The following COPG2 variants were observed in gnomAD, a reference collection of about 807,000 sequenced individuals.
The protein encoded by COPG2 is coatomer subunit gamma-2.
A neutral mutation model predicts 46.3 loss-of-function variants in COPG2; 37 were observed. The ratio of observed to expected loss-of-function variants is 0.80; its 90% CI spans 0.61 to 1.05. The LOEUF is 1.05. COPG2 is among the 50% of genes least tolerant of loss of function. The pLI is 0.00. For missense variants in COPG2, 427 were observed against 387.8 expected (o/e 1.10, Z -0.85); for synonymous variants, 159 against 129.7 (o/e 1.23, Z -1.53).
intron 17 of COPG2, among the ~76,000 whole-genome samples, chr7:130,549,970 T>C (rs1483834521): frequency 6.6e-6 from 1 of 152,206 alleles, no homozygotes; most frequent in African/African-American, 2.4e-5. Context: ...AGATGCACAG[T>C]GGCAACTGAC....
At position 130,554,653 on chromosome 7, in the gene COPG2, T is replaced by A. The variant is rs1202087376; in HGVS notation, c.1296A>T (p.Lys432Asn). 3.5e-5 allele frequency: 14 copies of A among 398,494 alleles called. No homozygotes were observed. The highest frequency in any genetic ancestry group is 6.2e-5 in the Non-Finnish European group (14 of 226,080). 24.7% of individuals were successfully genotyped at this position (398,494 alleles called of 1,614,324 possible). Residue 432 changes from lysine to asparagine, a missense_variant, in exon 14 of 24, where the codon AAA (lysine) becomes AAT (asparagine). By Grantham distance (94) the Lys-to-Asn change is moderately conservative. Transcript: ENST00000425248. ...ISIVEENPESKEAGLAHLCEF... is the reference protein window; with the variant it reads ...ISIVEENPESNEAGLAHLCEF... ...CACAAAGGTGGGCTAGGCCTGCTTC[T>A]TTACTCTCAGGGTTCTCTTCCACAA...
chr7:130,625,797 A>G (rs566965177), intron 5 of COPG2, among the ~76,000 whole-genome samples: 15 of 151,986 alleles, frequency 9.9e-5, no homozygotes, highest in African/African-American at 3.6e-4. Context: ...GTTTTTATCT[A>G]TACTAATTCC....
chr7:130,528,646 G>A (rs947849854), intron 20 of COPG2, among the ~76,000 whole-genome samples: 5 of 151,150 alleles, frequency 3.3e-5, no homozygotes, highest in Non-Finnish European at 7.4e-5. Context: ...ACCAACCTGC[G>A]CCCCAGGGGC....
At chr7:130,512,051 C>CT (rs1178499003) in intron 20 of COPG2, among the ~76,000 whole-genome samples, 2 of 67,054 alleles carry the variant, frequency 3.0e-5, no homozygotes, top group African/African-American at 1.1e-4. Context: ...ACTGTGTCTT[C>CT]TAAAAAAAAA....
chr7:130,550,742 G>A (rs1278762685), intron 16 of COPG2, 93 bp from the exon 17 acceptor site: 1 of 380,808 alleles, frequency 2.6e-6, no homozygotes, highest in Non-Finnish European at 4.6e-6. Flanking sequence ...TAAGCTTTCT[G>A]AAGGAAGAGA....
intron 14 of COPG2, among the ~76,000 whole-genome samples, chr7:130,554,198 A>T (rs1446136537): frequency 6.6e-6 from 1 of 152,138 alleles, no homozygotes; most frequent in Non-Finnish European, 1.5e-5. Flanking sequence ...ATATATAGAA[A>T]CACATAAACA....
At chr7:130,616,969 T>TCAG in intron 6 of COPG2, 21 bp downstream of exon 6, 1 of 1,535,120 alleles carries the variant, frequency 6.5e-7, no homozygotes, top group Non-Finnish European at 9.0e-7. Context: ...ATTTGGTAAC[T>TCAG]CAGTGAAACA....
chr7:130,506,844 C>G (rs1799501893), intron 23 of COPG2, 38 bp from the exon 24 acceptor site: 3 of 753,346 alleles, frequency 4.0e-6, no homozygotes, highest in African/African-American at 1.7e-5. Flanking sequence ...ATTAAGAACC[C>G]AAAACAAGCA....
chr7:130,539,368 T>G, intron 20 of COPG2, among the ~76,000 whole-genome samples: 2 of 148,422 alleles, frequency 1.3e-5, no homozygotes, highest in African/African-American at 2.5e-5. Flanking sequence ...AAGGCTGGAG[T>G]GGAAGAGGGG....
intron 18 of COPG2, 119 bp from the exon 19 acceptor site, chr7:130,548,661 G>C (rs1157594426): frequency 2.6e-6 from 1 of 385,938 alleles, no homozygotes; most frequent in African/African-American, 2.1e-5. Flanking sequence ...CCAGCACTTT[G>C]GGAGGCCGAG....
intron 9 of COPG2, among the ~76,000 whole-genome samples, chr7:130,599,820 C>T (rs1448532655): frequency 6.6e-6 from 1 of 152,140 alleles, no homozygotes; most frequent in Non-Finnish European, 1.5e-5. Context: ...TAAAGCATTT[C>T]TGGGGTACAA....
rs1054999384 is a variant in COPG2, at chr7:130,555,152, A to C, written c.1129-20T>G. 3 of 398,156 alleles carry C rather than the reference A, an allele frequency of 7.5e-6. 1 individual carries two copies. The highest frequency in any genetic ancestry group is 1.3e-5 in the Non-Finnish European group (3 of 225,864). 24.7% of individuals were successfully genotyped at this position (398,156 alleles called of 1,614,324 possible). ...CACCACCTGTAGAAAAACAAAAAGA[A>C]TATTCATTTTTATGACTGTACAACT... On this transcript the variant is annotated intron_variant, in intron 12 of 23. Transcript: ENST00000425248.
chr7:130,590,832 C>A (rs587713773), intron 9 of COPG2, among the ~76,000 whole-genome samples: 1 of 151,860 alleles, frequency 6.6e-6, no homozygotes, highest in Non-Finnish European at 1.5e-5. Flanking sequence ...CCTGCCCCCC[C>A]GTCTGGGATG....
chr7:130,555,028 T>A lies in COPG2; in HGVS notation c.1224+9A>T. ...GCAACTTCCTATGATTAAAAAGTAGTCTACCTACATCATCTCGGAGCATGT... is the reference window on the plus strand; with the variant it reads ...GCAACTTCCTATGATTAAAAAGTAGACTACCTACATCATCTCGGAGCATGT... On this transcript the variant is annotated intron_variant, in intron 13 of 23. Coordinates refer to ENST00000425248, the MANE Select transcript of COPG2 (RefSeq NM_012133.6). The A allele has an allele frequency of 5.0e-6, 2 of 398,476 alleles. No homozygotes were observed. The highest frequency in any genetic ancestry group is 4.4e-6 in the Non-Finnish European group (1 of 226,002). 24.7% of individuals were successfully genotyped at this position (398,476 alleles called of 1,614,324 possible).
chr7:130,662,666 T>C (rs1796001188), intron 4 of COPG2, among the ~76,000 whole-genome samples: 1 of 152,228 alleles, frequency 6.6e-6, no homozygotes, highest in African/African-American at 2.4e-5. Flanking sequence ...GACTAAGAAC[T>C]GACAAATGTG....
At chr7:130,578,874 G>A (rs1332951754) in intron 9 of COPG2, among the ~76,000 whole-genome samples, 1 of 149,266 alleles carries the variant, frequency 6.7e-6, no homozygotes, top group Non-Finnish European at 1.5e-5. Context: ...ACATCTGATT[G>A]GTGTACCTGA....
chr7:130,522,730 CA>C (rs1232374591), intron 20 of COPG2, among the ~76,000 whole-genome samples: 1 of 151,648 alleles, frequency 6.6e-6, no homozygotes, highest in East Asian at 1.9e-4. Flanking sequence ...GCGAAAAACA[CA>C]AAAAATGCTA....
chr7:130,660,652 T>G lies in COPG2; in HGVS notation c.243+2315A>C, dbSNP rs191213566. On this transcript the variant is annotated intron_variant, in intron 4 of 23. Transcript: ENST00000425248. Reference sequence around the variant, plus strand: ...CAATCCCAGTAATAAGTATTGGTGATTTTAATATCCATACAGATGGTATCT... The same window carrying G: ...CAATCCCAGTAATAAGTATTGGTGAGTTTAATATCCATACAGATGGTATCT... Among the ~76,000 whole-genome samples, 138 of 152,322 alleles carry G rather than the reference T, an allele frequency of 9.1e-4. 1 individual carries two copies. Among genetic ancestry groups the G allele is most frequent in the South Asian group, 5.8e-3 (28 of 4,828 alleles).
chr7:130,570,941 A>G (rs1203069186), intron 9 of COPG2, among the ~76,000 whole-genome samples: 1 of 152,210 alleles, frequency 6.6e-6, no homozygotes, highest in East Asian at 1.9e-4. Flanking sequence ...GCAAAACATA[A>G]AGCGGGGAAA....
Sources: gnomAD v4.1 joint callset for allele counts (sites outside exome capture counted in the v4.1 genomes callset) on GRCh38, gnomAD v4.1.1 for gene constraint, MANE v1.5 for transcripts, NCBI Gene and HGNC (gene_info 2026-07-23, HGNC 2026-07-21) for gene names.